BET1: variants seen among roughly 807,000 people sequenced by gnomAD.
The protein encoded by BET1 is Bet1 golgi vesicular membrane trafficking protein.
Under a neutral mutation model 13.9 loss-of-function variants are expected in BET1, and 9 were observed. The observed-to-expected ratio is 0.65, with a 90% confidence interval of 0.39 to 1.13. The LOEUF (loss-of-function observed/expected upper bound fraction) is 1.13. BET1 is among the 50% of genes most tolerant of loss of function. The pLI, the probability that BET1 is intolerant of heterozygous loss-of-function variation, is 0.01. For missense variants in BET1, 127 were observed against 133.6 expected (o/e 0.95, Z 0.24); for synonymous variants, 39 against 47.3 (o/e 0.82, Z 0.72).
chr7:93,975,871 T>C (rs1019709146), intron 5 of BET1: 23 of 1,017,754 alleles, frequency 2.3e-5, no homozygotes, highest in Admixed American at 3.7e-5. Context: ...CAAAATATTA[T>C]GAGACTATCA....
intron 3 of BET1, 45 bp from the exon 4 acceptor site, chr7:93,994,430 G>A (rs1562806612): frequency 3.2e-6 from 5 of 1,567,144 alleles, no homozygotes; most frequent in Non-Finnish European, 4.4e-6. Context: ...TAGATTCTAA[G>A]AGTCTACATA....
chr7:93,994,772 A>G (rs1795725140), intron 3 of BET1, among the ~76,000 whole-genome samples: 1 of 152,234 alleles, frequency 6.6e-6, no homozygotes, highest in South Asian at 2.1e-4. Flanking sequence ...CCAAGGTCAA[A>G]TGGTTGACTG....
chr7:93,996,103 G>C (rs1479599471), intron 3 of BET1, 162 bp downstream of exon 3: 4 of 584,832 alleles, frequency 6.8e-6, no homozygotes, highest in Non-Finnish European at 1.2e-5. Context: ...AAATGCAAAA[G>C]CATGGCAAAA....
chr7:93,973,097 A>T (rs570676582), intron 5 of BET1, among the ~76,000 whole-genome samples: 41 of 152,058 alleles, frequency 2.7e-4, no homozygotes, highest in African/African-American at 9.4e-4. Flanking sequence ...ATTTAAGATC[A>T]ATGAATTATT....
chr7:94,001,468 A>G (rs1795901516), intron 1 of BET1, among the ~76,000 whole-genome samples: 1 of 152,148 alleles, frequency 6.6e-6, no homozygotes, highest in South Asian at 2.1e-4. Context: ...TGCAATCTCC[A>G]CCACCACAAA....
Position 93,994,275 on chromosome 7 carries a change from A to C in BET1, c.312T>G (p.Ser104=), listed in dbSNP as rs758132618. 28 of 1,610,372 alleles carry C rather than the reference A, an allele frequency of 1.7e-5. No individual in the cohort carries two copies. The highest frequency in any genetic ancestry group is 2.0e-5 in the Non-Finnish European group (23 of 1,178,868). ...AATAAATGATAAAAAAGACAAATAA[A>C]GAAAACAGCATCATATAGCACAGCA... ...TKLLCYMMLF[S]LFVFFIIYWI... Residue 104 remains serine (S), a synonymous_variant, in exon 4 of 4, where the codon TCT becomes TCG. Coordinates refer to ENST00000222547, the MANE Select transcript of BET1 (RefSeq NM_005868.6).
chr7:93,966,101 G>A (rs1248427791), intron 6 of BET1, among the ~76,000 whole-genome samples: 2 of 151,912 alleles, frequency 1.3e-5, no homozygotes, highest in Non-Finnish European at 2.9e-5. Flanking sequence ...AGCTTAAGAA[G>A]TCACTTAAGC....
intron 4 of BET1, among the ~76,000 whole-genome samples, chr7:93,987,482 A>T: frequency 6.6e-6 from 1 of 152,124 alleles, no homozygotes; most frequent in East Asian, 1.9e-4. Context: ...GACAGAATCC[A>T]AGCTGGCATC....
In BET1 at chr7:93,994,109, C is replaced by A; in HGVS notation, c.*121G>T. The A allele has an allele frequency of 6.9e-7, 1 of 1,448,220 alleles. No homozygotes were observed. The allele number at this position is 1,448,220 out of a possible 1,614,324, so 89.7% of individuals were successfully genotyped here. A position where few individuals can be genotyped will look rare whatever the true frequency, so the allele number is the denominator to read the frequency against. ...GATTTATAAAATAAGCAAAATTCAG[C>A]AATTTTCAATGGAAAATGCCACAGT... On this transcript the variant is annotated 3_prime_UTR_variant, in exon 4 of 4. Coordinates refer to ENST00000222547, the MANE Select transcript of BET1 (RefSeq NM_005868.6).
At chr7:93,970,084 C>T (rs1795234807) in intron 6 of BET1, among the ~76,000 whole-genome samples, 1 of 151,776 alleles carries the variant, frequency 6.6e-6, no homozygotes, top group Non-Finnish European at 1.5e-5. Context: ...CACAATACTT[C>T]ATACAAAATG....
exon 7 of BET1, chr7:93,964,657 G>A (rs1013253841): frequency 1.3e-5 from 2 of 151,972 alleles, no homozygotes; most frequent in Non-Finnish European, 2.9e-5. Flanking sequence ...GTGGGTAAAG[G>A]ATGTGAACAG....
intron 4 of BET1, among the ~76,000 whole-genome samples, chr7:93,982,234 C>G (rs887225362): frequency 2.6e-5 from 4 of 151,926 alleles, no homozygotes; most frequent in African/African-American, 9.7e-5. Context: ...ATAGATCAGT[C>G]TATAATTATG....
intron 4 of BET1, among the ~76,000 whole-genome samples, chr7:93,985,076 C>T (rs1795500751): frequency 6.6e-6 from 1 of 152,098 alleles, no homozygotes; most frequent in African/African-American, 2.4e-5. Context: ...GTCTTACTAT[C>T]CCATTCTCTC....
chr7:93,975,094 G>A (rs942896206), intron 5 of BET1, among the ~76,000 whole-genome samples: 2 of 151,992 alleles, frequency 1.3e-5, no homozygotes, highest in Non-Finnish European at 2.9e-5. Context: ...AGAAGTGTCT[G>A]TTGTATCTGA....
Position 93,993,906 on chromosome 7 carries a change from T to A in BET1, c.*324A>T. The A allele has an allele frequency of 6.5e-7, 1 of 1,535,880 alleles. No homozygotes were observed. Among genetic ancestry groups the A allele is most frequent in the Non-Finnish European group, 8.7e-7 (1 of 1,146,770 alleles). On this transcript the variant is annotated 3_prime_UTR_variant, in exon 4 of 4. Coordinates refer to ENST00000222547, the MANE Select transcript of BET1 (RefSeq NM_005868.6). ...CCACTAAGTTTCCTTACATGGGACA[T>A]AAACCTGCATTTATGATTACAACAA...
chr7:93,978,865 A>T (rs1795380819), intron 4 of BET1, among the ~76,000 whole-genome samples: 1 of 152,172 alleles, frequency 6.6e-6, no homozygotes, highest in South Asian at 2.1e-4. Flanking sequence ...AGGACAAATG[A>T]AGGTTGGCCA....
At position 93,996,258 on chromosome 7, in the gene BET1, C is replaced by T. The variant is rs1171032535; in HGVS notation, c.201+7G>A. 13 of 1,552,200 alleles carry T rather than the reference C, an allele frequency of 8.4e-6. No individual in the cohort carries two copies. The highest frequency in any genetic ancestry group is 1.1e-5 in the Non-Finnish European group (13 of 1,137,482). ...AATTTCTTAAAGTTAAAATCATAAC[C>T]ACTTACCATTTCAGCTAATAATTTA... On this transcript the variant is annotated splice_region_variant and intron_variant, in intron 3 of 3. Transcript: ENST00000222547.
intron 4 of BET1, among the ~76,000 whole-genome samples, chr7:93,983,977 C>T (rs1477710160): frequency 1.3e-5 from 2 of 152,038 alleles, no homozygotes; most frequent in Admixed American, 6.6e-5. Flanking sequence ...TCTTAGTTTC[C>T]TAGGGACTCT....
intron 4 of BET1, among the ~76,000 whole-genome samples, chr7:93,985,580 T>C (rs1398259644): frequency 6.6e-6 from 1 of 152,142 alleles, no homozygotes; most frequent in African/African-American, 2.4e-5. Flanking sequence ...AACTAAACTG[T>C]ATTGTAATGT....
Sources: allele counts gnomAD v4.1 joint callset (sites outside exome capture counted in the v4.1 genomes callset), GRCh38; gene constraint gnomAD v4.1.1; transcripts MANE v1.5; gene names NCBI Gene and HGNC (gene_info 2026-07-23, HGNC 2026-07-21).